Variants in KIFC3 observed in about 807,000 individuals in gnomAD.
KIFC3 encodes the protein kinesin family member C3.
In KIFC3, 60 loss-of-function variants were observed where a neutral mutation model predicts 101.8. The ratio of observed to expected loss-of-function variants is 0.59; its 90% CI spans 0.48 to 0.73. KIFC3 has a LOEUF of 0.73. Ranked by LOEUF, KIFC3 falls within the 30% of genes least tolerant of loss-of-function variation. The pLI is 0.00. For synonymous variants in KIFC3, 476 were observed against 482.7 expected (o/e 0.99, Z 0.18); for missense variants, 966 against 1,137.1 (o/e 0.85, Z 2.16).
At chr16:57,805,645 G>A (rs918688049), upstream of KIFC3, among the ~76,000 whole-genome samples, 65 of 150,996 alleles carry the variant, frequency 4.3e-4, no homozygotes, top group African/African-American at 1.3e-3. Context: ...GACAAGATCA[G>A]GTGTGTTCAC....
intron 12 of KIFC3, among the ~76,000 whole-genome samples, chr16:57,762,499 T>A (rs2049984698): frequency 6.6e-6 from 1 of 152,078 alleles, no homozygotes; most frequent in Non-Finnish European, 1.5e-5. Flanking sequence ...CCCTGAGACT[T>A]ATAGTGCAGC....
chr16:57,768,552 G>T (rs2148931524), intron 9 of KIFC3, among the ~76,000 whole-genome samples: 1 of 32,416 alleles, frequency 3.1e-5, no homozygotes, highest in Non-Finnish European at 8.6e-5. Context: ...ATTGGCTTAA[G>T]CATGCTCAGA....
chr16:57,855,282 G>A (rs1461627886), intron 1 of KIFC3, among the ~76,000 whole-genome samples: 7 of 151,712 alleles, frequency 4.6e-5, no homozygotes, highest in South Asian at 2.1e-4. Context: ...GCCCCACCAC[G>A]CCCAGCTAAT....
chr16:57,803,680 G>A (rs2054861394), upstream of KIFC3, among the ~76,000 whole-genome samples: 5 of 152,360 alleles, frequency 3.3e-5, no homozygotes, highest in South Asian at 1.0e-3. Context: ...CAGTCCCCCA[G>A]CTGGAAGCAG....
intron 1 of KIFC3, among the ~76,000 whole-genome samples, chr16:57,847,970 GA>G (rs1389971475): frequency 3.3e-5 from 5 of 152,118 alleles, no homozygotes; most frequent in African/African-American, 1.2e-4. Context: ...ATTTTTGATA[GA>G]GATGGGGTTT....
At position 57,758,531 on chromosome 16, in the gene KIFC3, C is replaced by A; in HGVS notation, c.*403G>T. The A allele has an allele frequency of 3.6e-6, 2 of 558,626 alleles. No individual in the cohort carries two copies. The highest frequency in any genetic ancestry group is 3.2e-5 in the South Asian group (2 of 61,800). The allele number at this position is 558,626 out of a possible 1,614,324, so 34.6% of individuals were successfully genotyped here. ...TTCTTGGGTCTGCCCAGAGGCTCCT[C>A]GCCCACCCCCTAAGGAGGGGGCTGG... On this transcript the variant is annotated 3_prime_UTR_variant, in exon 20 of 20. Coordinates refer to ENST00000445690, the MANE Select transcript of KIFC3 (RefSeq NM_001130100.2).
intron 1 of KIFC3, among the ~76,000 whole-genome samples, chr16:57,838,301 A>G (rs1428907750): frequency 1.3e-5 from 2 of 152,086 alleles, no homozygotes; most frequent in African/African-American, 4.8e-5. Flanking sequence ...TGAGATTCAA[A>G]ATTCATGCGC....
At chr16:57,819,018 G>A (rs149604841) in intron 1 of KIFC3, among the ~76,000 whole-genome samples, 105 of 152,302 alleles carry the variant, frequency 6.9e-4, no homozygotes, top group African/African-American at 2.5e-3. Flanking sequence ...GGAGACAGTA[G>A]CAGGTGTGGC....
At position 57,769,077 on chromosome 16, in the gene KIFC3, A is replaced by C. The variant is rs190135670; in HGVS notation, c.1218+518T>G. On this transcript the variant is annotated intron_variant, in intron 9 of 19. Transcript: ENST00000445690. This position sits in a 1 kb window ranked among gnomAD's most constrained non-coding sequence, Gnocchi z 4.3. ...TTGAGATAAAGTCTCGCTGTCACAC[A>C]GGCTGAAGTGCAGTGGCATGATCTT... 1.2e-4 allele frequency among the ~76,000 whole-genome samples: 19 copies of C among 152,348 alleles called. No individual in the cohort carries two copies. Among genetic ancestry groups the C allele is most frequent in the Admixed American group, 2.6e-4 (4 of 15,294 alleles).
At chr16:57,818,981 A>T (rs1171671650) in intron 1 of KIFC3, among the ~76,000 whole-genome samples, 1 of 152,216 alleles carries the variant, frequency 6.6e-6, no homozygotes, top group Non-Finnish European at 1.5e-5. Flanking sequence ...GGGCCCTCAC[A>T]GCTCACAGCT....
At chr16:57,776,119 T>C (rs2052038678) in intron 3 of KIFC3, 4 of 985,446 alleles carry the variant, frequency 4.1e-6, no homozygotes, top group Non-Finnish European at 4.8e-6. Context: ...ACCTGCTGGT[T>C]ACCTCCTTAC....
intron 1 of KIFC3, chr16:57,816,474 A>G (rs1555628864): frequency 2.2e-6 from 1 of 458,572 alleles, no homozygotes; most frequent in East Asian, 6.9e-5. Context: ...GAGCTGCCGA[A>G]GTGACTCACG....
chr16:57,798,603 G>C, intron 1 of KIFC3: 2 of 446,704 alleles, frequency 4.5e-6, no homozygotes, highest in Non-Finnish European at 8.0e-6. Context: ...GCCCCACACA[G>C]AGGAGGCACC....
intron 1 of KIFC3, chr16:57,830,734 T>C (rs1365658442): frequency 1.3e-5 from 2 of 152,220 alleles, no homozygotes; most frequent in Non-Finnish European, 2.9e-5. Context: ...CTTTCTTCTA[T>C]AGTAAAGCAG....
chr16:57,807,938 A>T (rs1197409495), upstream of KIFC3: 5 of 23,892 alleles, frequency 2.1e-4, no homozygotes, highest in South Asian at 6.7e-3. Flanking sequence ...TTAAAAAAAA[A>T]AAAAAAAAAA....
chr16:57,809,446 C>T (rs899150967), intron 1 of KIFC3, among the ~76,000 whole-genome samples: 15 of 152,170 alleles, frequency 9.9e-5, no homozygotes, highest in African/African-American at 2.9e-4. Flanking sequence ...AGCTGTGAGC[C>T]ACTGCACCCA....
At chr16:57,762,527 G>C (rs1555599025) in intron 12 of KIFC3, among the ~76,000 whole-genome samples, 1 of 152,226 alleles carries the variant, frequency 6.6e-6, no homozygotes, top group East Asian at 1.9e-4. Flanking sequence ...TGAGGGGCCT[G>C]GCCCAGACCC....
chr16:57,816,368 T>A, intron 1 of KIFC3: 5 of 814,238 alleles, frequency 6.1e-6, no homozygotes, highest in Non-Finnish European at 9.0e-6. Context: ...TGGCTTCCTC[T>A]TGAGGAAGGC....
chr16:57,766,925 G>A lies in KIFC3; in HGVS notation c.1279C>T (p.Arg427Cys), dbSNP rs901121157. ...NNQELLRKYR[R>C]ELQLRKKCHN... ...CACTTCTTACGCAGCTGCAGCTCGC[G>A]GCGGTACTTGCGCAGCAGCTCCTGG... The change falls in exon 10 of 20, where the codon CGC becomes TGC. Residue 427 changes from arginine to cysteine, a missense_variant. By Grantham distance (180) the Arg-to-Cys change is radical. Around this residue, in one of 2 missense-constraint regions of KIFC3, gnomAD observed 689 missense variants for 884.6 expected, o/e 0.78. Coordinates refer to ENST00000445690, the MANE Select transcript of KIFC3 (RefSeq NM_001130100.2). 10 of 1,612,660 alleles carry A rather than the reference G, an allele frequency of 6.2e-6. No homozygotes were observed. The highest frequency in any genetic ancestry group is 3.3e-4 in the Middle Eastern group (2 of 6,082).
Sources: gnomAD v4.1 joint callset for allele counts (sites outside exome capture counted in the v4.1 genomes callset) on GRCh38, gnomAD v4.1.1 for gene constraint, gnomAD v4.1.1 regional missense constraint, Gnocchi (gnomAD v3.1) non-coding constraint, MANE v1.5 for transcripts, NCBI Gene and HGNC (gene_info 2026-07-23, HGNC 2026-07-21) for gene names.